Variants in COX5A observed in about 807,000 individuals in gnomAD.
COX5A encodes cytochrome c oxidase subunit 5A, also known as cytochrome c oxidase subunit 5A, mitochondrial.
Under a neutral mutation model 16.1 loss-of-function variants are expected in COX5A, and 6 were observed. That is an observed-to-expected ratio of 0.37 (90% CI 0.20 to 0.73). The LOEUF (loss-of-function observed/expected upper bound fraction) is 0.73. Ranked by LOEUF, COX5A falls within the 30% of genes least tolerant of loss-of-function variation. The probability of loss-of-function intolerance (pLI) is 0.50; values close to 1 mark genes in which losing one functional copy is unlikely to be tolerated. For synonymous variants in COX5A, 73 were observed against 73.8 expected (o/e 0.99, Z 0.06); for missense variants, 159 against 194.9 (o/e 0.82, Z 1.10).
intron 1 of COX5A, among the ~76,000 whole-genome samples, chr15:74,931,934 G>GCCT (rs2065369268): frequency 6.6e-6 from 1 of 152,188 alleles, no homozygotes; most frequent in Non-Finnish European, 1.5e-5. Context: ...CTCTGGAACA[G>GCCT]GTAGGGGGAT....
At chr15:74,930,157 C>T (rs973957966) in intron 1 of COX5A, among the ~76,000 whole-genome samples, 6 of 151,930 alleles carry the variant, frequency 3.9e-5, no homozygotes, top group Non-Finnish European at 5.9e-5. Context: ...CAGTGGCTCA[C>T]GCCTGTAATC....
intron 4 of COX5A, among the ~76,000 whole-genome samples, chr15:74,922,914 C>G (rs908848477): frequency 6.6e-6 from 1 of 152,096 alleles, no homozygotes; most frequent in African/African-American, 2.4e-5. Context: ...CTCGGCCTCC[C>G]AAAGTCCTGG....
intron 1 of COX5A, among the ~76,000 whole-genome samples, chr15:74,933,901 C>G (rs1171461825): frequency 6.6e-6 from 1 of 152,206 alleles, no homozygotes; most frequent in African/African-American, 2.4e-5. Flanking sequence ...TGACCACCAA[C>G]AGCAAATCCA....
chr15:74,924,214 T>C (rs2065333577), intron 3 of COX5A, among the ~76,000 whole-genome samples: 1 of 151,822 alleles, frequency 6.6e-6, no homozygotes, highest in Admixed American at 6.6e-5. Context: ...AAACAGGTCA[T>C]CTACTTTTAA....
intron 1 of COX5A, among the ~76,000 whole-genome samples, chr15:74,931,553 A>ATT (rs200291956): frequency 1.0e-4 from 14 of 138,436 alleles, no homozygotes; most frequent in East Asian, 2.2e-4. Context: ...AAGCATTTCC[A>ATT]TTTTTTTTTT....
intron 1 of COX5A, among the ~76,000 whole-genome samples, chr15:74,929,499 CCT>C (rs1460019855): frequency 6.6e-6 from 1 of 152,072 alleles, no homozygotes. Flanking sequence ...ACAGTGGTTC[CCT>C]CTGATTTTAA....
chr15:74,921,340 G>A (rs1041891762), intron 4 of COX5A, among the ~76,000 whole-genome samples: 29 of 148,696 alleles, frequency 2.0e-4, no homozygotes, highest in African/African-American at 7.2e-4. Flanking sequence ...CCTGGAAAAC[G>A]GAGCTTGCAG....
rs116259177 is a variant in COX5A, at chr15:74,925,723, A to G, written c.339+1043T>C. Among the ~76,000 whole-genome samples, 236 of 152,172 alleles carry G rather than the reference A, an allele frequency of 1.6e-3. 2 individuals are homozygous for G. Among genetic ancestry groups the G allele is most frequent in the African/African-American group, 5.4e-3 (225 of 41,540 alleles). ...TGTTTAAAGTCAAACACATTTCTAC[A>G]GTATCAACAGTTGTGTAGTATAACC... is the stretch of plus-strand genomic sequence containing the variant. On this transcript the variant is annotated intron_variant, in intron 3 of 4. Coordinates refer to ENST00000322347, the MANE Select transcript of COX5A (RefSeq NM_004255.4).
In COX5A at chr15:74,937,997, G is replaced by T; in HGVS notation, c.18C>A (p.Leu6=). The T allele has an allele frequency of 8.1e-6, 10 of 1,232,152 alleles. No homozygotes were observed. The highest frequency in any genetic ancestry group is 1.0e-5 in the Non-Finnish European group (10 of 987,996). The allele number at this position is 1,232,152 out of a possible 1,614,324, so 76.3% of individuals were successfully genotyped here. The change falls in exon 1 of 5, where the codon CTC becomes CTA. Residue 6 remains leucine (L), a synonymous_variant. Transcript: ENST00000322347. ...TGGTTGCGGCCACAGCGCAGCGGCG[G>T]AGAGCGGCGCCCAGCATGACGGCGA... is the stretch of plus-strand genomic sequence containing the variant. MLGAA[L]RRCAVAATTR...
chr15:74,925,132 G>A (rs1436260050), intron 3 of COX5A, among the ~76,000 whole-genome samples: 2 of 151,982 alleles, frequency 1.3e-5, no homozygotes, highest in Non-Finnish European at 2.9e-5. Context: ...AGATCAGCCT[G>A]ACCAACATGG....
At chr15:74,926,292 G>A (rs1400864761) in intron 3 of COX5A, among the ~76,000 whole-genome samples, 4 of 151,092 alleles carry the variant, frequency 2.6e-5, no homozygotes, top group Admixed American at 1.3e-4. Context: ...CGCCCGCCTC[G>A]GCCTCCCAAA....
At chr15:74,922,664 C>CTTTTT (rs941924508) in intron 4 of COX5A, among the ~76,000 whole-genome samples, 1 of 128,444 alleles carries the variant, frequency 7.8e-6, no homozygotes, top group East Asian at 2.2e-4. Flanking sequence ...CAAGTTGAGT[C>CTTTTT]TTTTTTTTTT....
At chr15:74,921,934 C>T (rs534224910) in intron 4 of COX5A, among the ~76,000 whole-genome samples, 1 of 152,004 alleles carries the variant, frequency 6.6e-6, no homozygotes, top group East Asian at 1.9e-4. Context: ...ACACCTGAAA[C>T]CCAAATAATT....
chr15:74,927,302 A>G (rs1226252746), intron 2 of COX5A, among the ~76,000 whole-genome samples: 1 of 151,864 alleles, frequency 6.6e-6, no homozygotes, highest in Non-Finnish European at 1.5e-5. Context: ...TCAGCCTACC[A>G]AGTAGCTGGG....
chr15:74,938,057 G>A lies in COX5A; in HGVS notation c.-43C>T. On this transcript the variant is annotated 5_prime_UTR_variant, in exon 1 of 5. Transcript: ENST00000322347. ...GCGGGCTGAGGACAGAGAGAAGCCG[G>A]TGTAAGCTCGCGGGTTGCTCCGGAG... The A allele has an allele frequency of 5.0e-6, 6 of 1,191,162 alleles. No homozygotes were observed. Among genetic ancestry groups the A allele is most frequent in the Non-Finnish European group, 5.3e-6 (5 of 952,206 alleles). 73.8% of individuals were successfully genotyped at this position (1,191,162 alleles called of 1,614,324 possible). A position where few individuals can be genotyped will look rare whatever the true frequency, so the allele number is the denominator to read the frequency against.
At chr15:74,922,809 G>A (rs12101557) in intron 4 of COX5A, among the ~76,000 whole-genome samples, 9,027 of 151,880 alleles carry the variant, frequency 0.059, 867 homozygotes, top group African/African-American at 0.21. Flanking sequence ...GGGACTACAG[G>A]CACATGCCAC....
intron 1 of COX5A, among the ~76,000 whole-genome samples, chr15:74,933,388 G>A (rs4886638): frequency 0.098 from 14,471 of 147,506 alleles, 1,158 homozygotes; most frequent in South Asian, 0.37. Flanking sequence ...CAGCCTGGGC[G>A]ACAGAGCAAG....
At chr15:74,922,528 A>G (rs1221780702) in intron 4 of COX5A, among the ~76,000 whole-genome samples, 1 of 152,120 alleles carries the variant, frequency 6.6e-6, no homozygotes, top group Non-Finnish European at 1.5e-5. Context: ...AATTAACTAA[A>G]GGAGACAGGG....
At chr15:74,937,330 G>A (rs2065395486) in intron 1 of COX5A, among the ~76,000 whole-genome samples, 1 of 152,116 alleles carries the variant, frequency 6.6e-6, no homozygotes, top group African/African-American at 2.4e-5. Flanking sequence ...GCTATCTTCC[G>A]GAGATCAGGA....
Sources: allele counts gnomAD v4.1 joint callset (sites outside exome capture counted in the v4.1 genomes callset), GRCh38; gene constraint gnomAD v4.1.1; transcripts MANE v1.5; gene names NCBI Gene and HGNC (gene_info 2026-07-23, HGNC 2026-07-21).